The following FRK variants were observed in gnomAD, a reference collection of about 807,000 sequenced individuals.
FRK encodes tyrosine-protein kinase FRK.
A neutral mutation model predicts 56.4 loss-of-function variants in FRK; 51 were observed. The observed-to-expected ratio is 0.90, with a 90% CI of 0.72 to 1.14. FRK has a LOEUF of 1.14. Among genes scored for constraint, FRK ranks in the 50% most tolerant of loss-of-function variants. The pLI is 0.00. For synonymous variants in FRK, 245 were observed against 217.9 expected (o/e 1.12, Z -1.10); for missense variants, 570 against 601.4 (o/e 0.95, Z 0.55).
chr6:115,973,127 G>T (rs893211254), intron 2 of FRK, among the ~76,000 whole-genome samples: 12 of 152,068 alleles, frequency 7.9e-5, no homozygotes, highest in Admixed American at 4.6e-4. Flanking sequence ...TTGTGTATCT[G>T]GAACACATCC....
chr6:115,958,704 G>GAAA, intron 4 of FRK, among the ~76,000 whole-genome samples: 1 of 6,968 alleles, frequency 1.4e-4, no homozygotes, highest in Non-Finnish European at 3.0e-4. Context: ...AAGAAAGAAA[G>GAAA]AAGAAAGAAA....
In FRK at chr6:115,944,330, G is replaced by T. The variant is rs201586564; in HGVS notation, c.1054C>A (p.His352Asn). ...MAYLESRNYI[H>N]RDLAARNVLV... ...ACATTTCTGGCAGCCAGATCTCTGT[G>T]AATGTAGTTCCGAGACTCCAGATAG... is the stretch of plus-strand genomic sequence containing the variant. Residue 352 changes from histidine to asparagine, a missense_variant, in exon 6 of 8, where the codon CAC becomes AAC. Transcript: ENST00000606080. 452 of 1,613,008 alleles carry T rather than the reference G, an allele frequency of 2.8e-4. 1 individual carries two copies. The highest frequency in any genetic ancestry group is 3.6e-4 in the Non-Finnish European group (421 of 1,179,628).
chr6:116,039,269 G>C (rs1456510232), intron 1 of FRK: 1 of 1,483,440 alleles, frequency 6.7e-7, no homozygotes, highest in African/African-American at 1.4e-5. Flanking sequence ...ATTGGTACCA[G>C]CAAGACTGCA....
the FRK span, among the ~76,000 whole-genome samples, chr6:116,078,360 C>T: frequency 6.6e-6 from 1 of 152,104 alleles, no homozygotes; most frequent in Admixed American, 6.5e-5. Flanking sequence ...TGTTTTTCTT[C>T]TAATGTCCCT....
At chr6:116,017,829 T>A (rs147794312) in intron 1 of FRK, among the ~76,000 whole-genome samples, 1,738 of 152,272 alleles carry the variant, frequency 0.011, 24 homozygotes, top group African/African-American at 0.035. Context: ...TCCTGAGTCA[T>A]CCTGCCATAG....
chr6:116,009,184 T>C (rs1203486079), intron 1 of FRK, among the ~76,000 whole-genome samples: 1 of 152,228 alleles, frequency 6.6e-6, no homozygotes, highest in Non-Finnish European at 1.5e-5. Context: ...AACTCAGTGA[T>C]TGGCACAAGA....
At chr6:116,094,375 T>C in the FRK span, among the ~76,000 whole-genome samples, 654 of 152,368 alleles carry the variant, frequency 4.3e-3, 7 homozygotes, top group African/African-American at 0.015. Flanking sequence ...GACACTGGCG[T>C]GGCTTTCTCA....
chr6:115,951,182 A>C (rs1772734802), intron 5 of FRK, among the ~76,000 whole-genome samples: 1 of 152,226 alleles, frequency 6.6e-6, no homozygotes, highest in Non-Finnish European at 1.5e-5. Context: ...AAAAATAAAA[A>C]AAATTGAAAA....
At chr6:116,025,167 A>C (rs1165617651) in intron 1 of FRK, among the ~76,000 whole-genome samples, 1 of 152,174 alleles carries the variant, frequency 6.6e-6, no homozygotes, top group Non-Finnish European at 1.5e-5. Context: ...AGGCCCCAGA[A>C]GATCTGTCAA....
Position 115,954,135 on chromosome 6 carries a change from C to T in FRK, c.958+2317G>A, listed in dbSNP as rs1772897687. On this transcript the variant is annotated intron_variant, in intron 5 of 7. Transcript: ENST00000606080. ...GAGAAGTGAGCATGTGGATAAATGT[C>T]AGAACAACAAAAAAATTCAGGCAGA... Among the ~76,000 whole-genome samples the T allele has an allele frequency of 2.6e-5, 4 of 151,998 alleles. No homozygotes were observed. The South Asian group carries it at 8.3e-4, about 32-fold the overall frequency.
intron 1 of FRK, among the ~76,000 whole-genome samples, chr6:116,009,245 C>T (rs533878157): frequency 2.6e-5 from 4 of 152,260 alleles, no homozygotes; most frequent in East Asian, 3.9e-4. Context: ...TTACTATGCA[C>T]GGAGAAACCT....
chr6:116,097,111 G>A, the FRK span, among the ~76,000 whole-genome samples: 1 of 151,196 alleles, frequency 6.6e-6, no homozygotes, highest in Non-Finnish European at 1.5e-5. Context: ...TTTTTATTAA[G>A]AAATGTAAAG....
At chr6:116,040,941 G>A (rs1776685760) in intron 1 of FRK, among the ~76,000 whole-genome samples, 1 of 152,030 alleles carries the variant, frequency 6.6e-6, no homozygotes. Flanking sequence ...TTTGGATAAT[G>A]GAGATTCATG....
chr6:116,058,718 G>A (rs993638354), intron 1 of FRK, among the ~76,000 whole-genome samples: 4 of 151,978 alleles, frequency 2.6e-5, no homozygotes, highest in Admixed American at 6.5e-5. Flanking sequence ...AGACCATCCC[G>A]GCTAACACGG....
intron 2 of FRK, among the ~76,000 whole-genome samples, chr6:115,983,788 T>A (rs1774294135): frequency 1.3e-5 from 2 of 152,254 alleles, no homozygotes; most frequent in South Asian, 4.1e-4. Context: ...GTTTTCCATG[T>A]CTCCAGCCTC....
At chr6:115,951,507 T>C (rs1194983010) in intron 5 of FRK, among the ~76,000 whole-genome samples, 1 of 152,220 alleles carries the variant, frequency 6.6e-6, no homozygotes, top group Admixed American at 6.5e-5. Flanking sequence ...AAAATGGAGA[T>C]ATTTATCCTC....
the FRK span, among the ~76,000 whole-genome samples, chr6:116,097,150 A>C: frequency 6.6e-6 from 1 of 152,222 alleles, no homozygotes; most frequent in African/African-American, 2.4e-5. Flanking sequence ...AAAAATAAAA[A>C]ATATTCCTCA....
intron 1 of FRK, among the ~76,000 whole-genome samples, chr6:116,023,962 A>G (rs1323500741): frequency 2.0e-5 from 3 of 151,292 alleles, no homozygotes; most frequent in Admixed American, 1.3e-4. Flanking sequence ...GAAAATAACT[A>G]GTTGGCTTTT....
At chr6:116,097,271 T>G in the FRK span, among the ~76,000 whole-genome samples, 5 of 152,194 alleles carry the variant, frequency 3.3e-5, no homozygotes, top group South Asian at 2.1e-4. Flanking sequence ...TTTTTAGAAA[T>G]TCATATTTTT....
Sources: allele counts gnomAD v4.1 joint callset (sites outside exome capture counted in the v4.1 genomes callset), GRCh38; gene constraint gnomAD v4.1.1; transcripts MANE v1.5; gene names NCBI Gene and HGNC (gene_info 2026-07-23, HGNC 2026-07-21).